Variants in ABL1 observed in about 807,000 individuals in gnomAD.
The protein encoded by ABL1 is ABL proto-oncogene 1, non-receptor tyrosine kinase, also known as tyrosine-protein kinase ABL1.
Under a neutral mutation model 94.7 loss-of-function variants are expected in ABL1, and 11 were observed. The ratio of observed to expected loss-of-function variants is 0.12; its 90% CI spans 0.07 to 0.19. ABL1 has a LOEUF of 0.19. ABL1 is among the 10% of genes least tolerant of loss of function. ABL1 has a pLI of 1.00. For synonymous variants in ABL1, 656 were observed against 622.4 expected, an observed-to-expected ratio of 1.05 and a Z score of -0.80; for missense variants, 1,082 against 1,489.4, an observed-to-expected ratio of 0.73 and a Z score of 4.50.
At chr9:130,848,142 C>G (rs1048615970) in intron 1 of ABL1, among the ~76,000 whole-genome samples, 3 of 152,082 alleles carry the variant, frequency 2.0e-5, no homozygotes, top group African/African-American at 4.8e-5. Context: ...ACTCAAGTGC[C>G]TTTTCAGGAC....
At position 130,886,112 on chromosome 9, in the gene ABL1, C is replaced by G. The variant is rs1443103751; in HGVS notation, c.*429C>G. 1.2e-5 allele frequency: 3 copies of G among 260,730 alleles called. No homozygotes were observed. Among genetic ancestry groups the G allele is most frequent in the Non-Finnish European group, 1.5e-5 (2 of 135,196 alleles). 16.2% of individuals were successfully genotyped at this position (260,730 alleles called of 1,614,324 possible). A position where few individuals can be genotyped will look rare whatever the true frequency, so the allele number is the denominator to read the frequency against. ...CTTCCACTTCTCCAAGAATGGAAGC[C>G]TGAACTGAGGCCTTGTGTGTCAGGC... On this transcript the variant is annotated 3_prime_UTR_variant, in exon 11 of 11. Coordinates refer to ENST00000318560, the MANE Select transcript of ABL1 (RefSeq NM_005157.6).
intron 1 of ABL1, among the ~76,000 whole-genome samples, chr9:130,752,146 A>G (rs2132730400): frequency 6.6e-6 from 1 of 152,344 alleles, no homozygotes; most frequent in Admixed American, 6.5e-5. Context: ...AAAGGGGACG[A>G]TGACCCGACA....
intron 1 of ABL1, among the ~76,000 whole-genome samples, chr9:130,738,648 G>A (rs767739039): frequency 1.3e-4 from 20 of 152,160 alleles, no homozygotes; most frequent in Non-Finnish European, 2.6e-4. Flanking sequence ...ATTCTCCAGT[G>A]TCCTCGTGGA....
At chr9:130,717,736 G>A (rs558968158) in intron 1 of ABL1, among the ~76,000 whole-genome samples, 1 of 147,852 alleles carries the variant, frequency 6.8e-6, no homozygotes, top group African/African-American at 2.5e-5. Context: ...TGGCTAGGCC[G>A]GGCACAGTGG....
chr9:130,733,842 G>T (rs1043743908), intron 1 of ABL1, among the ~76,000 whole-genome samples: 2 of 151,750 alleles, frequency 1.3e-5, no homozygotes, highest in Non-Finnish European at 2.9e-5. Context: ...CGCCCGCCTC[G>T]GCCTCCCAAA....
chr9:130,845,753 C>A (rs1037347136), intron 1 of ABL1, among the ~76,000 whole-genome samples: 18 of 151,278 alleles, frequency 1.2e-4, no homozygotes, highest in African/African-American at 4.4e-4. Flanking sequence ...TTTTAAAAGT[C>A]TTTTGAGGAC....
intron 3 of ABL1, among the ~76,000 whole-genome samples, chr9:130,858,454 C>T (rs570328505): frequency 1.3e-5 from 2 of 152,228 alleles, no homozygotes; most frequent in East Asian, 1.9e-4. Context: ...CCTCCCTCCC[C>T]GTCTGGCACA....
chr9:130,797,252 A>G (rs1829990977), intron 1 of ABL1, among the ~76,000 whole-genome samples: 1 of 144,772 alleles, frequency 6.9e-6, no homozygotes, highest in African/African-American at 2.5e-5. Flanking sequence ...AAAAAAAAAA[A>G]AAAAAAAAAA....
At chr9:130,714,644 CAA>C (rs1201131154) in intron 1 of ABL1, 1 of 782,406 alleles carries the variant, frequency 1.3e-6, no homozygotes, top group Non-Finnish European at 2.2e-6. Flanking sequence ...CGGCTTTATT[CAA>C]AATCTATTTG....
intron 1 of ABL1, among the ~76,000 whole-genome samples, chr9:130,824,280 G>C (rs60438161): frequency 6.6e-6 from 1 of 152,170 alleles, no homozygotes; most frequent in African/African-American, 2.4e-5. Flanking sequence ...TGAGAACCCA[G>C]AGGGCTGAGG....
At chr9:130,760,282 T>G (rs1286315567) in intron 1 of ABL1, among the ~76,000 whole-genome samples, 1 of 152,162 alleles carries the variant, frequency 6.6e-6, no homozygotes, top group African/African-American at 2.4e-5. Context: ...ACATCAGTCC[T>G]TTAGTGTAGG....
At chr9:130,772,461 T>TA (rs1329911478) in intron 1 of ABL1, among the ~76,000 whole-genome samples, 1 of 152,206 alleles carries the variant, frequency 6.6e-6, no homozygotes, top group Non-Finnish European at 1.5e-5. Context: ...TGCTAGACCT[T>TA]ACTGGGTTGA....
Position 130,872,310 on chromosome 9 carries a change from A to T in ABL1, c.907+97A>T. The T allele has an allele frequency of 8.9e-7, 1 of 1,128,470 alleles. No individual in the cohort carries two copies. The highest frequency in any genetic ancestry group is 1.4e-5 in the South Asian group (1 of 72,244). The allele number at this position is 1,128,470 out of a possible 1,614,324, so 69.9% of individuals were successfully genotyped here. A position where few individuals can be genotyped will look rare whatever the true frequency, so the allele number is the denominator to read the frequency against. On this transcript the variant is annotated intron_variant, in intron 5 of 10. Transcript: ENST00000318560. This position sits in a 1 kb window ranked among gnomAD's most constrained non-coding sequence, Gnocchi z 5.0. ...ACGCACGGGCGGCTCACTGCACAAA[A>T]CCTCGTTGGAATATTTGTGCTCTGC... is the stretch of plus-strand genomic sequence containing the variant.
chr9:130,808,247 C>T (rs12378251), intron 1 of ABL1, among the ~76,000 whole-genome samples: 3,696 of 94,874 alleles, frequency 0.039, 63 homozygotes, highest in African/African-American at 0.082. Flanking sequence ...TCTTCTTCTT[C>T]TTTTTTTTTT....
intron 1 of ABL1, among the ~76,000 whole-genome samples, chr9:130,820,192 T>C (rs562152283): frequency 2.0e-5 from 3 of 152,316 alleles, no homozygotes; most frequent in East Asian, 3.9e-4. Context: ...ATTTTGATCT[T>C]AAGCAATTTA....
At chr9:130,772,217 C>T (rs546883927) in intron 1 of ABL1, among the ~76,000 whole-genome samples, 8 of 152,298 alleles carry the variant, frequency 5.3e-5, no homozygotes, top group Admixed American at 3.3e-4. Context: ...TCATTTACAT[C>T]GGAACACTGG....
At position 130,872,640 on chromosome 9, in the gene ABL1, G is replaced by A. The variant is rs2132996168; in HGVS notation, c.908-220G>A. On this transcript the variant is annotated intron_variant, in intron 5 of 10. Transcript: ENST00000318560. This position sits in a 1 kb window ranked among gnomAD's most constrained non-coding sequence, Gnocchi z 5.0. ...GAATTCTGTGGCAGCCTCTCCCTGC[G>A]TAAATTCAAGTTCACTGGCTTGAGA... Among the ~76,000 whole-genome samples, 1 of 152,256 alleles carries A rather than the reference G, an allele frequency of 6.6e-6. No homozygotes were observed. The highest frequency in any genetic ancestry group is 2.4e-5 in the African/African-American group (1 of 41,554).
intron 1 of ABL1, among the ~76,000 whole-genome samples, chr9:130,777,098 G>A (rs1829669339): frequency 6.6e-6 from 1 of 152,100 alleles, no homozygotes; most frequent in Non-Finnish European, 1.5e-5. Context: ...TAATCTTTAT[G>A]GGTCTCTCTG....
intron 1 of ABL1, among the ~76,000 whole-genome samples, chr9:130,784,641 G>T (rs1430194397): frequency 6.6e-6 from 1 of 152,166 alleles, no homozygotes; most frequent in East Asian, 1.9e-4. Flanking sequence ...GGTCTGGTCT[G>T]GTCCCTGGGC....
Sources: gnomAD v4.1 joint callset for allele counts (sites outside exome capture counted in the v4.1 genomes callset) on GRCh38, gnomAD v4.1.1 for gene constraint, Gnocchi (gnomAD v3.1) non-coding constraint, MANE v1.5 for transcripts, NCBI Gene and HGNC (gene_info 2026-07-23, HGNC 2026-07-21) for gene names.